NBPF14: variants seen among roughly 807,000 people sequenced by gnomAD.
The protein encoded by NBPF14 is NBPF member 14.
Under a neutral mutation model 91.2 loss-of-function variants are expected in NBPF14, and 104 were observed. That is an observed-to-expected ratio of 1.14 (90% CI 0.97 to 1.34). The LOEUF is 1.34. Among genes scored for constraint, NBPF14 ranks in the 40% most tolerant of loss-of-function variants. The pLI is 0.00. For missense variants in NBPF14, 908 were observed against 783.0 expected, an observed-to-expected ratio of 1.16 and a Z score of -1.91; for synonymous variants, 294 against 303.8, an observed-to-expected ratio of 0.97 and a Z score of 0.34.
At chr1:148,533,213 T>C (rs1381894433) in exon 71 of NBPF14, 1 of 688,282 alleles carries the variant, frequency 1.5e-6, no homozygotes, top group Middle Eastern at 3.9e-4. Context: ...CTGTAAGACT[T>C]CACGCTCTTC....
chr1:148,589,826 G>A (rs1173275805), intron 6 of NBPF14, among the ~76,000 whole-genome samples: 1 of 148,180 alleles, frequency 6.7e-6, no homozygotes, highest in African/African-American at 2.4e-5. Context: ...TCTGCCGTCC[G>A]GGTTCAAGCG....
rs1481429703 is a variant in NBPF14, at chr1:148,539,314, C to T, written c.7882+96G>A. The T allele has an allele frequency of 1.1e-5, 7 of 614,834 alleles. 1 individual carries two copies. Among genetic ancestry groups the T allele is most frequent in the Admixed American group, 2.1e-5 (1 of 47,744 alleles). 38.1% of individuals were successfully genotyped at this position (614,834 alleles called of 1,614,324 possible). On this transcript the variant is annotated intron_variant, in intron 63 of 70. Transcript: ENST00000619423. ...CCATAGGTCCTGACTGCGGCAATGACGTCTCTCGGGTCAGTAAGGGGCACT... is the reference window on the plus strand; with the variant it reads ...CCATAGGTCCTGACTGCGGCAATGATGTCTCTCGGGTCAGTAAGGGGCACT...
rs1181123005 is a variant in NBPF14 at position 148,577,665 on chromosome 1, G to A, written c.1854-310C>T. Among the ~76,000 whole-genome samples, 6 of 148,100 alleles carry A rather than the reference G, an allele frequency of 4.1e-5. No individual in the cohort carries two copies. The South Asian group carries it at 1.3e-3, about 32-fold the overall frequency. On this transcript the variant is annotated intron_variant, in intron 14 of 70. Coordinates refer to ENST00000619423, the Ensembl canonical transcript of NBPF14. Reference sequence around the variant, plus strand: ...GGACACTCTGTATTTGTGCTCTCAGGACACACAGTGAACAGTGATCATGAA... The same window carrying A: ...GGACACTCTGTATTTGTGCTCTCAGAACACACAGTGAACAGTGATCATGAA...
intron 7 of NBPF14, among the ~76,000 whole-genome samples, chr1:148,588,746 C>T (rs1417339965): frequency 2.6e-5 from 4 of 151,908 alleles, no homozygotes; most frequent in African/African-American, 9.6e-5. Flanking sequence ...ACCAAGTTTC[C>T]CTCAGAGTCA....
At chr1:148,534,458 G>T (rs1486688557) in intron 69 of NBPF14, among the ~76,000 whole-genome samples, 1 of 151,684 alleles carries the variant, frequency 6.6e-6, no homozygotes, top group African/African-American at 2.4e-5. Context: ...TAGGATCAGG[G>T]CGCCACAGGT....
chr1:148,572,463 C>G, exon 21 of NBPF14: 2 of 534,524 alleles, frequency 3.7e-6, no homozygotes, highest in East Asian at 3.1e-5. Flanking sequence ...AAGAGCCAAG[C>G]CAAGGTACTG....
intron 70 of NBPF14, 97 bp downstream of exon 70, chr1:148,533,764 T>A (rs797036896): frequency 1.3e-6 from 1 of 759,432 alleles, no homozygotes; most frequent in Admixed American, 1.7e-5. Flanking sequence ...ATTCAGCCTT[T>A]GTTGAAAATA....
chr1:148,558,355 C>T, exon 39 of NBPF14: 4 of 49,466 alleles, frequency 8.1e-5, no homozygotes, highest in Admixed American at 6.0e-4. Flanking sequence ...CTGAAGGAGT[C>T]GAATAACATC....
rs1234068588 is a variant in NBPF14, at chr1:148,534,946, G to C, written c.8442-90C>G. The C allele has an allele frequency of 2.8e-5, 21 of 747,574 alleles. No homozygotes were observed. In the East Asian group the frequency reaches 3.8e-4, roughly 13 times the overall value. 46.3% of individuals were successfully genotyped at this position (747,574 alleles called of 1,614,324 possible). A position where few individuals can be genotyped will look rare whatever the true frequency, so the allele number is the denominator to read the frequency against. On this transcript the variant is annotated intron_variant, in intron 68 of 70. Transcript: ENST00000619423. ...GATTTCATGGCTAACATAAGGAACAGTTTAAAAAGAAAAAGGACAGATCCA... is the reference window on the plus strand; with the variant it reads ...GATTTCATGGCTAACATAAGGAACACTTTAAAAAGAAAAAGGACAGATCCA...
At chr1:148,571,363 C>T (rs1659149672) in intron 22 of NBPF14, among the ~76,000 whole-genome samples, 1 of 43,184 alleles carries the variant, frequency 2.3e-5, no homozygotes, top group Non-Finnish European at 3.7e-5. Context: ...TTAGTGCCCT[C>T]AGGACACACA....
At chr1:148,571,148 G>C (rs1205295276) in intron 22 of NBPF14, 111 bp from the exon 23 acceptor site, 1 of 28,682 alleles carries the variant, frequency 3.5e-5, no homozygotes, top group Non-Finnish European at 5.2e-5. Flanking sequence ...TAAAAGGATA[G>C]ATCCATTAAT....
intron 28 of NBPF14, 142 bp from the exon 29 acceptor site, chr1:148,566,457 T>C: frequency 3.3e-6 from 2 of 600,408 alleles, no homozygotes; most frequent in Non-Finnish European, 5.9e-6. Context: ...ATTGTTGCCT[T>C]CATGTTGGGA....
At chr1:148,560,088 G>A (rs1657470442) in intron 36 of NBPF14, 123 bp from the exon 37 acceptor site, 1 of 673,604 alleles carries the variant, frequency 1.5e-6, no homozygotes, top group African/African-American at 2.0e-5. Flanking sequence ...CCATTAATGA[G>A]GTAACAAATT....
rs1468442835 is a variant in NBPF14, at chr1:148,592,818, G to A, written c.279-52C>T. 9.6e-5 allele frequency: 117 copies of A among 1,223,200 alleles called. 6 individuals carry two copies. Among genetic ancestry groups the A allele is most frequent in the South Asian group, 6.5e-4 (51 of 78,594 alleles). 75.8% of individuals were successfully genotyped at this position (1,223,200 alleles called of 1,614,324 possible). On this transcript the variant is annotated intron_variant, in intron 3 of 70. Transcript: ENST00000619423. Reference sequence around the variant, plus strand: ...AAGAGTAGAAAGGGTTGAGTGATCCGTTCAAATATTGCAACAGAGACTTCT... The same window carrying A: ...AAGAGTAGAAAGGGTTGAGTGATCCATTCAAATATTGCAACAGAGACTTCT...
At chr1:148,561,924 C>T (rs1467385038) in intron 34 of NBPF14, among the ~76,000 whole-genome samples, 2 of 124,394 alleles carry the variant, frequency 1.6e-5, no homozygotes, top group Admixed American at 1.5e-4. Flanking sequence ...CCTCAGGACA[C>T]ACAGCATACA....
At chr1:148,593,440 TC>T (rs1215968373) in intron 3 of NBPF14, among the ~76,000 whole-genome samples, 157 bp downstream of exon 3, 6 of 147,804 alleles carry the variant, frequency 4.1e-5, no homozygotes, top group Admixed American at 3.4e-4. Context: ...CTTATTATTA[TC>T]CTTGTTCTCT....
intron 70 of NBPF14, 85 bp downstream of exon 70, chr1:148,533,776 G>C (rs1654264033): frequency 6.6e-6 from 5 of 763,152 alleles, no homozygotes; most frequent in African/African-American, 3.4e-5. Flanking sequence ...TTGAAAATAT[G>C]ACATCAAACA....
In NBPF14 at chr1:148,572,595, T is replaced by C. The variant is rs1168715181; in HGVS notation, c.2606A>G (p.Asp869Gly). The change falls in exon 21 of 71, where the codon GAT becomes GGT. Residue 869 changes from aspartate (D) to glycine (G), a missense_variant. Asp to Gly is a moderately conservative substitution (Grantham distance 94, BLOSUM62 -1). Coordinates refer to ENST00000619423, the Ensembl canonical transcript of NBPF14. Reference sequence around the variant, plus strand: ...CTGCAAGACTTCAGGCTCTTTCTCATCCAGCAGCTCCCTGCTGAGCCTGGA... The same window carrying C: ...CTGCAAGACTTCAGGCTCTTTCTCACCCAGCAGCTCCCTGCTGAGCCTGGA... 9 of 601,336 alleles carry C rather than the reference T, an allele frequency of 1.5e-5. 1 individual carries two copies. Among genetic ancestry groups the C allele is most frequent in the Middle Eastern group, 4.3e-4 (1 of 2,310 alleles). The allele number at this position is 601,336 out of a possible 1,614,324, so 37.3% of individuals were successfully genotyped here.
chr1:148,577,430 C>A, intron 14 of NBPF14, 75 bp from the exon 15 acceptor site: 1 of 661,380 alleles, frequency 1.5e-6, no homozygotes, highest in Non-Finnish European at 2.8e-6. Context: ...GATTTCATGG[C>A]TAACGTAAGG....
Sources: allele counts gnomAD v4.1 joint callset (sites outside exome capture counted in the v4.1 genomes callset), GRCh38; gene constraint gnomAD v4.1.1; transcripts MANE v1.5; gene names NCBI Gene and HGNC (gene_info 2026-07-23, HGNC 2026-07-21).